The following PTCRA variants were observed in gnomAD, a reference collection of about 807,000 sequenced individuals.
PTCRA encodes the protein pre T cell antigen receptor alpha, also known as pre T-cell antigen receptor alpha.
A neutral mutation model predicts 13.4 loss-of-function variants in PTCRA; 9 were observed. The observed-to-expected ratio is 0.67, with a 90% confidence interval of 0.41 to 1.18. The LOEUF (loss-of-function observed/expected upper bound fraction) is 1.18. Among genes scored for constraint, PTCRA ranks in the 50% most tolerant of loss-of-function variants. PTCRA has a pLI of 0.01. For synonymous variants in PTCRA, 153 were observed against 161.9 expected (o/e 0.94, Z 0.42); for missense variants, 353 against 359.8 (o/e 0.98, Z 0.15).
In PTCRA at chr6:42,917,229, T is replaced by TTATTA. The variant is rs879847725; in HGVS notation, c.58+1106_58+1107insATATT. Among the ~76,000 whole-genome samples, 335 of 137,314 alleles carry TTATTA rather than the reference T, an allele frequency of 2.4e-3. 2 individuals are homozygous for TTATTA. The highest frequency in any genetic ancestry group is 9.2e-3 in the African/African-American group (318 of 34,744). The allele number at this position is 137,314 out of a possible 152,430, so 90.1% of individuals were successfully genotyped here. ...ATTATTATTATTATTATTATTATTATTATTTATTTTTGAGACAGAGTCTCG... is the reference window on the plus strand; with the variant it reads ...ATTATTATTATTATTATTATTATTATTATTATATTTATTTTTGAGACAGAGTCTCG... On this transcript the variant is annotated intron_variant, in intron 1 of 3. Transcript: ENST00000304672.
chr6:42,925,416 C>T lies in PTCRA; in HGVS notation c.580C>T (p.His194Tyr), dbSNP rs748845914. 13 of 1,555,656 alleles carry T rather than the reference C, an allele frequency of 8.4e-6. No homozygotes were observed. The highest frequency in any genetic ancestry group is 5.2e-6 in the Non-Finnish European group (6 of 1,149,232). ...CACCCGCCTGCGAGCCCTCGGCTCCCATCGACTGCACCCGGCCACGGAGAC... is the reference window on the plus strand; with the variant it reads ...CACCCGCCTGCGAGCCCTCGGCTCCTATCGACTGCACCCGGCCACGGAGAC... ...TTTRLRALGS[H>Y]RLHPATETGG... Residue 194 changes from histidine to tyrosine, a missense_variant, in exon 4 of 4, where the codon CAT (histidine) becomes TAT (tyrosine). Physicochemically the swap from His to Tyr is moderately conservative, Grantham distance 83 (BLOSUM62 2). Transcript: ENST00000304672. The surrounding 1 kb of genome is among the most constrained non-coding windows in gnomAD (Gnocchi z 4.4).
In PTCRA at chr6:42,917,814, T is replaced by G. The variant is rs561666458; in HGVS notation, c.58+1687T>G. On this transcript the variant is annotated intron_variant, in intron 1 of 3. Coordinates refer to ENST00000304672, the MANE Select transcript of PTCRA (RefSeq NM_138296.3). ...ATTCACCTGACTCAGCCTCCCAAAG[T>G]GCTGGGATTACAGGCATAAGCCACT... Among the ~76,000 whole-genome samples, 349 of 151,488 alleles carry G rather than the reference T, an allele frequency of 2.3e-3. 3 individuals carry two copies. The highest frequency in any genetic ancestry group is 6.8e-3 in the Middle Eastern group (2 of 294).
intron 1 of PTCRA, among the ~76,000 whole-genome samples, chr6:42,918,145 AC>A (rs1174480666): frequency 2.0e-5 from 3 of 151,570 alleles, no homozygotes; most frequent in Non-Finnish European, 4.4e-5. Context: ...TAATCCAGCT[AC>A]TTAGGATGCT....
intron 1 of PTCRA, among the ~76,000 whole-genome samples, chr6:42,921,058 A>G (rs910073780): frequency 6.7e-6 from 1 of 150,016 alleles, no homozygotes; most frequent in African/African-American, 2.5e-5. Flanking sequence ...TGGCCCCCCA[A>G]AGTGCTGGGA....
chr6:42,919,140 C>T (rs1767022358), intron 1 of PTCRA, among the ~76,000 whole-genome samples: 1 of 150,524 alleles, frequency 6.6e-6, no homozygotes, highest in African/African-American at 2.5e-5. Flanking sequence ...GGATTACAGG[C>T]GCGTGCCACC....
rs1307506058 is a variant in PTCRA at position 42,923,166 on chromosome 6, C to T, written c.198C>T (p.Gly66=). The change falls in exon 2 of 4, where the codon GGC becomes GGT. Residue 66 remains glycine (G), a synonymous_variant. Transcript: ENST00000304672. ...ACAGCCCCATCTGGTTCTCAGCCGG[C>T]AATGGCAGTGCACTGGATGCCTTCA... ...GLDSPIWFSA[G]NGSALDAFTY... 6.2e-7 allele frequency: 1 copy of T among 1,614,234 alleles called. No individual in the cohort carries two copies. Among genetic ancestry groups the T allele is most frequent in the South Asian group, 1.1e-5 (1 of 91,092 alleles).
chr6:42,919,216 G>A (rs542144905), intron 1 of PTCRA, among the ~76,000 whole-genome samples: 1 of 151,766 alleles, frequency 6.6e-6, no homozygotes, highest in South Asian at 2.1e-4. Flanking sequence ...GGATGGTCTC[G>A]ATCTCCTGAC....
intron 3 of PTCRA, chr6:42,924,508 G>A: frequency 3.4e-6 from 2 of 584,924 alleles, no homozygotes; most frequent in East Asian, 3.3e-5. Flanking sequence ...TAGTTGAGAA[G>A]CACAGGTGAC....
chr6:42,916,137 CT>C lies in PTCRA; in HGVS notation c.58+11del. On this transcript the variant is annotated intron_variant, in intron 1 of 3. Transcript: ENST00000304672. ...CCAGCCCTACCCACAGGTGAGCCCC[CT>C]CTTTGCCTTCCTCTCTGTCCCTCCT... The C allele has an allele frequency of 6.2e-7, 1 of 1,613,600 alleles. No homozygotes were observed. Among genetic ancestry groups the C allele is most frequent in the Non-Finnish European group, 8.5e-7 (1 of 1,179,562 alleles).
At position 42,918,563 on chromosome 6, in the gene PTCRA, T is replaced by A. The variant is rs560389744; in HGVS notation, c.58+2436T>A. The stretch of plus-strand genomic sequence containing the variant: ...GAGTGAGACTCCATCTCAAAAATAA[T>A]AATAATAATAATAATGAAATAAAAT... On this transcript the variant is annotated intron_variant, in intron 1 of 3. Transcript: ENST00000304672. Among the ~76,000 whole-genome samples the A allele has an allele frequency of 6.6e-4, 100 of 151,418 alleles. 1 individual carries two copies. Among genetic ancestry groups the A allele is most frequent in the African/African-American group, 2.2e-3 (91 of 41,270 alleles).
At chr6:42,916,891 G>A (rs906281158) in intron 1 of PTCRA, among the ~76,000 whole-genome samples, 15 of 152,144 alleles carry the variant, frequency 9.9e-5, no homozygotes, top group Admixed American at 7.9e-4. Context: ...GGGAGCCCAT[G>A]GCAGGAGGCC....
chr6:42,924,315 C>G (rs1581688138), intron 3 of PTCRA, 42 bp downstream of exon 3: 1 of 1,593,828 alleles, frequency 6.3e-7, no homozygotes, highest in Non-Finnish European at 8.6e-7. Flanking sequence ...GAGGCTGGGA[C>G]CAGGACCTTG....
Position 42,923,147 on chromosome 6 carries a change from C to G in PTCRA, c.179C>G (p.Pro60Arg). The G allele has an allele frequency of 1.2e-6, 2 of 1,614,228 alleles. No individual in the cohort carries two copies. The highest frequency in any genetic ancestry group is 1.7e-6 in the Non-Finnish European group (2 of 1,180,044). ...LDVAPPGLDS[P>R]IWFSAGNGSA... ...GTTGCACCCCCTGGCCTTGACAGCC[C>G]CATCTGGTTCTCAGCCGGCAATGGC... The change falls in exon 2 of 4, where the codon CCC (proline) becomes CGC (arginine). Residue 60 changes from proline (P) to arginine (R), a missense_variant. By Grantham distance (103) the Pro-to-Arg change is moderately radical. Transcript: ENST00000304672.
At chr6:42,921,415 T>C (rs1434411149) in intron 1 of PTCRA, among the ~76,000 whole-genome samples, 14 of 66,978 alleles carry the variant, frequency 2.1e-4, no homozygotes, top group African/African-American at 9.5e-4. Flanking sequence ...AAAGCTTCTT[T>C]TTTTTTTTTT....
rs60630405 is a variant in PTCRA, at chr6:42,917,190, ATATTATTATTAT to A, written c.58+1095_58+1106del. On this transcript the variant is annotated intron_variant, in intron 1 of 3. Coordinates refer to ENST00000304672, the MANE Select transcript of PTCRA (RefSeq NM_138296.3). ...CTGGGCTGGTATTATTAACAGCATT[ATATTATTATTAT>A]TATTATTATTATTATTATTATTATT... Among the ~76,000 whole-genome samples the A allele has an allele frequency of 3.8e-3, 532 of 141,088 alleles. 10 individuals are homozygous for A. The highest frequency in any genetic ancestry group is 0.025 in the Admixed American group (342 of 13,672). 92.6% of individuals were successfully genotyped at this position (141,088 alleles called of 152,430 possible). A position where few individuals can be genotyped will look rare whatever the true frequency, so the allele number is the denominator to read the frequency against.
In PTCRA at chr6:42,917,254, G is replaced by A. The variant is rs992219154; in HGVS notation, c.58+1127G>A. Among the ~76,000 whole-genome samples, 64 of 147,092 alleles carry A rather than the reference G, an allele frequency of 4.4e-4. 1 individual carries two copies. The highest frequency in any genetic ancestry group is 1.6e-3 in the African/African-American group (63 of 40,520). On this transcript the variant is annotated intron_variant, in intron 1 of 3. Transcript: ENST00000304672. ...TTATTTATTTTTGAGACAGAGTCTC[G>A]CACTGTCGCCCGGGCTGGAGTACAA...
In PTCRA at chr6:42,923,216, A is replaced by G. The variant is rs1207380433; in HGVS notation, c.248A>G (p.Asp83Gly). 5.6e-6 allele frequency: 9 copies of G among 1,614,066 alleles called. No homozygotes were observed. The highest frequency in any genetic ancestry group is 7.6e-6 in the Non-Finnish European group (9 of 1,180,028). The change falls in exon 2 of 4, where the codon GAT becomes GGT. Residue 83 changes from aspartate (D) to glycine (G), a missense_variant. Coordinates refer to ENST00000304672, the MANE Select transcript of PTCRA (RefSeq NM_138296.3). ...ACCTATGGCCCTTCCCCAGCAACGG[A>G]TGGCACCTGGACCAACTTGGCCCAT... ...AFTYGPSPAT[D>G]GTWTNLAHLS...
intron 1 of PTCRA, 53 bp from the exon 2 acceptor site, chr6:42,922,974 G>A (rs370285250): frequency 6.4e-7 from 1 of 1,556,020 alleles, no homozygotes; most frequent in African/African-American, 1.4e-5. Context: ...CACAATGCTG[G>A]CCTGGGAGGC....
chr6:42,918,118 A>T (rs2114116157), intron 1 of PTCRA, among the ~76,000 whole-genome samples: 1 of 151,452 alleles, frequency 6.6e-6, no homozygotes, highest in East Asian at 2.0e-4. Context: ...TTAGCTGGAC[A>T]TGGTGGCAGG....
Sources: allele counts gnomAD v4.1 joint callset (sites outside exome capture counted in the v4.1 genomes callset), GRCh38; gene constraint gnomAD v4.1.1; non-coding constraint Gnocchi (gnomAD v3.1); transcripts MANE v1.5; gene names NCBI Gene and HGNC (gene_info 2026-07-23, HGNC 2026-07-21).